The following ADAMTSL1 variants were observed in gnomAD, a reference collection of about 807,000 sequenced individuals.
ADAMTSL1 encodes ADAMTS-like protein 1.
A neutral mutation model predicts 201.8 loss-of-function variants in ADAMTSL1; 126 were observed. That is an observed-to-expected ratio of 0.62 (90% CI 0.54 to 0.72). The LOEUF is 0.72. Ranked by LOEUF, ADAMTSL1 falls within the 30% of genes least tolerant of loss-of-function variation. The pLI is 0.00. For missense variants in ADAMTSL1, 2,679 were observed against 2,277.8 expected (o/e 1.18, Z -3.59); for synonymous variants, 1,121 against 903.4 (o/e 1.24, Z -4.32).
chr9:18,240,490 T>C (rs1249559568), intron 2 of ADAMTSL1, among the ~76,000 whole-genome samples: 1 of 152,126 alleles, frequency 6.6e-6, no homozygotes, highest in Admixed American at 6.5e-5. Context: ...TTAGGGGCCC[T>C]AGAATTTTCA....
At chr9:18,353,726 C>T (rs1306389639) in intron 2 of ADAMTSL1, among the ~76,000 whole-genome samples, 2 of 152,124 alleles carry the variant, frequency 1.3e-5, no homozygotes, top group Non-Finnish European at 2.9e-5. Flanking sequence ...GTCATATCTT[C>T]TGTTTTCACA....
At chr9:18,566,354 C>T (rs1245658810) in intron 3 of ADAMTSL1, among the ~76,000 whole-genome samples, 2 of 152,108 alleles carry the variant, frequency 1.3e-5, no homozygotes, top group African/African-American at 4.8e-5. Flanking sequence ...GATTGCTGTC[C>T]TTCTGGAGGT....
chr9:18,447,016 G>A (rs1345171734), intron 2 of ADAMTSL1, among the ~76,000 whole-genome samples: 1 of 151,510 alleles, frequency 6.6e-6, no homozygotes, highest in African/African-American at 2.4e-5. Flanking sequence ...AAGGGGAGGT[G>A]AGACAATCAC....
At chr9:18,201,932 A>G (rs552550337) in intron 2 of ADAMTSL1, among the ~76,000 whole-genome samples, 2 of 152,280 alleles carry the variant, frequency 1.3e-5, no homozygotes. Flanking sequence ...ATAATTTATC[A>G]CCACTGAATT....
intron 16 of ADAMTSL1, 26 bp from the exon 17 acceptor site, chr9:18,770,576 T>C (rs749858310): frequency 6.3e-7 from 1 of 1,589,920 alleles, no homozygotes; most frequent in Non-Finnish European, 8.6e-7. Flanking sequence ...GTCTACTTTT[T>C]CTTCTTTCCT....
At chr9:18,284,202 C>G (rs1046505556) in intron 2 of ADAMTSL1, among the ~76,000 whole-genome samples, 4 of 151,836 alleles carry the variant, frequency 2.6e-5, no homozygotes, top group South Asian at 2.1e-4. Context: ...GCACTCCAGC[C>G]TGGGCAACAA....
At chr9:18,175,132 G>A (rs954785713) in intron 2 of ADAMTSL1, among the ~76,000 whole-genome samples, 24 of 152,154 alleles carry the variant, frequency 1.6e-4, no homozygotes, top group African/African-American at 5.8e-4. Context: ...GTGTTGTTGG[G>A]TTGAAGCTTC....
At chr9:17,981,541 A>C (rs1818695316) in intron 1 of ADAMTSL1, among the ~76,000 whole-genome samples, 1 of 152,152 alleles carries the variant, frequency 6.6e-6, no homozygotes, top group African/African-American at 2.4e-5. Context: ...ATCAACCTTG[A>C]AAATTGTTCG....
At chr9:18,561,132 G>A (rs58013277) in intron 3 of ADAMTSL1, among the ~76,000 whole-genome samples, 38,939 of 151,892 alleles carry the variant, frequency 0.26, 5,756 homozygotes, top group Admixed American at 0.35. Context: ...TTAGGGTGTC[G>A]ATTTTAGATC....
intron 23 of ADAMTSL1, among the ~76,000 whole-genome samples, chr9:18,867,004 G>A (rs938561259): frequency 3.3e-5 from 5 of 152,216 alleles, no homozygotes; most frequent in Admixed American, 6.5e-5. Flanking sequence ...CAGGAGGTGT[G>A]CACAGCCCTC....
At chr9:18,880,743 C>A (rs780735572) in intron 23 of ADAMTSL1, among the ~76,000 whole-genome samples, 8 of 152,262 alleles carry the variant, frequency 5.3e-5, no homozygotes, top group African/African-American at 9.6e-5. Flanking sequence ...GGTGCATTAT[C>A]CCCTAACAAG....
At chr9:18,009,645 A>G (rs974994685) in intron 1 of ADAMTSL1, among the ~76,000 whole-genome samples, 1 of 152,012 alleles carries the variant, frequency 6.6e-6, no homozygotes, top group Non-Finnish European at 1.5e-5. Context: ...TGTTTTCTGG[A>G]TAAGAACAAT....
At chr9:18,671,779 G>A (rs1300562478) in intron 9 of ADAMTSL1, among the ~76,000 whole-genome samples, 1 of 152,120 alleles carries the variant, frequency 6.6e-6, no homozygotes, top group Non-Finnish European at 1.5e-5. Context: ...GGCCGGGTGT[G>A]GTGGCTCATG....
chr9:18,577,954 C>G (rs1164744710), intron 4 of ADAMTSL1, among the ~76,000 whole-genome samples: 1 of 150,888 alleles, frequency 6.6e-6, no homozygotes, highest in Non-Finnish European at 1.5e-5. Context: ...GATAGTTTGT[C>G]TTATGAGAAA....
intron 26 of ADAMTSL1, among the ~76,000 whole-genome samples, chr9:18,895,995 G>T (rs1171772876): frequency 6.6e-6 from 1 of 152,170 alleles, no homozygotes; most frequent in Non-Finnish European, 1.5e-5. Context: ...TTCAACAGCA[G>T]ATTTCGCAGG....
intron 2 of ADAMTSL1, among the ~76,000 whole-genome samples, chr9:18,247,989 G>T (rs1454152550): frequency 6.6e-6 from 1 of 152,116 alleles, no homozygotes; most frequent in Admixed American, 6.5e-5. Context: ...TCCACGGACT[G>T]GGGAAGACAT....
At chr9:18,180,135 C>T (rs1412955662) in intron 2 of ADAMTSL1, among the ~76,000 whole-genome samples, 1 of 152,122 alleles carries the variant, frequency 6.6e-6, no homozygotes, top group Non-Finnish European at 1.5e-5. Flanking sequence ...AAACCCATCT[C>T]ACGTGCAGAG....
chr9:18,298,973 C>G (rs201975034), intron 2 of ADAMTSL1, among the ~76,000 whole-genome samples: 2 of 150,256 alleles, frequency 1.3e-5, no homozygotes, highest in South Asian at 2.1e-4. Flanking sequence ...GATGGCGCCA[C>G]TGCACTCCAG....
intron 2 of ADAMTSL1, among the ~76,000 whole-genome samples, chr9:18,315,387 G>A (rs577488318): frequency 5.9e-5 from 9 of 152,206 alleles, no homozygotes; most frequent in African/African-American, 2.2e-4. Context: ...GTACTCCTCA[G>A]TGGCGCCCGT....
Sources: allele counts gnomAD v4.1 joint callset (sites outside exome capture counted in the v4.1 genomes callset), GRCh38; gene constraint gnomAD v4.1.1; transcripts MANE v1.5; gene names NCBI Gene and HGNC (gene_info 2026-07-23, HGNC 2026-07-21).